Variants in MED13L observed in about 807,000 individuals in gnomAD.
MED13L encodes the protein mediator complex subunit 13L, also known as mediator of RNA polymerase II transcription subunit 13-like.
A neutral mutation model predicts 220.9 loss-of-function variants in MED13L; 7 were observed. The ratio of observed to expected loss-of-function variants is 0.03; its 90% CI spans 0.02 to 0.06. MED13L has a LOEUF of 0.06. Among genes scored for constraint, MED13L ranks in the 10% least tolerant of loss-of-function variants. The pLI, the probability that MED13L is intolerant of heterozygous loss-of-function variation, is 1.00. For synonymous variants in MED13L, 1,011 were observed against 1,015.2 expected (o/e 1.00, Z 0.08); for missense variants, 1,965 against 2,760.5 (o/e 0.71, Z 6.46).
At chr12:116,110,271 T>C (rs899820984) in intron 3 of MED13L, 9 of 152,050 alleles carry the variant, frequency 5.9e-5, no homozygotes, top group Admixed American at 3.3e-4. Flanking sequence ...TGGAAAAATT[T>C]AAGCATCAAA....
At chr12:116,160,601 G>T (rs1285611778) in intron 2 of MED13L, among the ~76,000 whole-genome samples, 1 of 146,542 alleles carries the variant, frequency 6.8e-6, no homozygotes, top group Non-Finnish European at 1.5e-5. Flanking sequence ...AAAAAAAAAA[G>T]TGTCTCACCC....
chr12:116,170,013 C>T (rs1025430581), intron 2 of MED13L, among the ~76,000 whole-genome samples: 1 of 152,048 alleles, frequency 6.6e-6, no homozygotes, highest in South Asian at 2.1e-4. Flanking sequence ...TGAGACCCCG[C>T]CTCATAAATA....
chr12:116,191,003 A>T (rs1436270548), intron 2 of MED13L, among the ~76,000 whole-genome samples: 1 of 151,862 alleles, frequency 6.6e-6, no homozygotes, highest in African/African-American at 2.4e-5. Flanking sequence ...GAGACAGAAG[A>T]AGTGCTTGAA....
At chr12:115,986,546 A>G in intron 18 of MED13L, 57 bp from the exon 19 acceptor site, 1 of 1,518,704 alleles carries the variant, frequency 6.6e-7, no homozygotes, top group Non-Finnish European at 9.1e-7. Context: ...CAACCTTACA[A>G]TTTTGAAATT....
intron 2 of MED13L, among the ~76,000 whole-genome samples, chr12:116,235,368 C>T (rs144092271): frequency 1.6e-3 from 250 of 152,148 alleles, no homozygotes; most frequent in Middle Eastern, 0.01. Context: ...TATCAAACTC[C>T]AAAGAAAAGT....
At chr12:116,171,785 A>G (rs1879698560) in intron 2 of MED13L, among the ~76,000 whole-genome samples, 1 of 152,200 alleles carries the variant, frequency 6.6e-6, no homozygotes, top group East Asian at 1.9e-4. Context: ...TTCCACTCAC[A>G]GTACTGAGAA....
At position 115,996,675 on chromosome 12, in the gene MED13L, A is replaced by G; in HGVS notation, c.2797T>C (p.Ser933Pro). Residue 933 changes from serine (S) to proline (P), a missense_variant, in exon 16 of 31, where the codon TCA becomes CCA. Around this residue, in one of 10 missense-constraint regions of MED13L, gnomAD observed 233 missense variants for 306.2 expected, o/e 0.76. Transcript: ENST00000281928. The stretch of plus-strand genomic sequence containing the variant: ...AAGGATGGAACTTTGTGCACATATG[A>G]AAAGTCCTGTGACAACAAAGTGGGG... ...SPKPEEIKDF[S>P]YVHKVPSFQP... The G allele has an allele frequency of 6.2e-7, 1 of 1,613,572 alleles. No homozygotes were observed. Among genetic ancestry groups the G allele is most frequent in the Non-Finnish European group, 8.5e-7 (1 of 1,179,508 alleles).
At chr12:115,979,919 T>G (rs61936941) in intron 23 of MED13L, among the ~76,000 whole-genome samples, 10,792 of 152,282 alleles carry the variant, frequency 0.071, 503 homozygotes, top group Middle Eastern at 0.11. Flanking sequence ...CCCTTTGAGA[T>G]CCACACATAT....
intron 1 of MED13L, among the ~76,000 whole-genome samples, chr12:116,242,325 G>A (rs542225667): frequency 9.2e-5 from 14 of 152,214 alleles, no homozygotes; most frequent in Non-Finnish European, 2.1e-4. Context: ...GATTACAGGC[G>A]TGAGCCATTG....
intron 3 of MED13L, among the ~76,000 whole-genome samples, chr12:116,104,644 G>C (rs974414476): frequency 6.6e-6 from 1 of 152,142 alleles, no homozygotes; most frequent in African/African-American, 2.4e-5. Flanking sequence ...ACAGATTAAA[G>C]TCTCCCTAAG....
rs749177676 is a variant in MED13L at position 115,975,399 on chromosome 12, C to T, written c.5589-86G>A. On this transcript the variant is annotated intron_variant, in intron 24 of 30. Coordinates refer to ENST00000281928, the MANE Select transcript of MED13L (RefSeq NM_015335.5). ...ACTTATAAGACAAACACTAGAAATT[C>T]CAAAGAACCTATCCATGCTGTACCC... is the stretch of plus-strand genomic sequence containing the variant. 5 of 1,604,336 alleles carry T rather than the reference C, an allele frequency of 3.1e-6. No homozygotes were observed. In the Admixed American group the frequency reaches 5.0e-5, roughly 16 times the overall value.
chr12:116,098,347 T>C (rs376428884), intron 3 of MED13L, among the ~76,000 whole-genome samples: 14 of 152,214 alleles, frequency 9.2e-5, no homozygotes, highest in African/African-American at 3.1e-4. Flanking sequence ...TACAGTTATC[T>C]CTAACAGTAT....
chr12:116,011,316 T>C (rs1012568183), intron 9 of MED13L, among the ~76,000 whole-genome samples: 1 of 152,164 alleles, frequency 6.6e-6, no homozygotes, highest in African/African-American at 2.4e-5. Context: ...TGAAGATATA[T>C]GCATTTGGCA....
At chr12:116,207,699 T>C (rs569780079) in intron 2 of MED13L, among the ~76,000 whole-genome samples, 135 of 151,892 alleles carry the variant, frequency 8.9e-4, no homozygotes, top group African/African-American at 3.1e-3. Flanking sequence ...GATATAAGAA[T>C]GATATTAAGT....
intron 3 of MED13L, among the ~76,000 whole-genome samples, chr12:116,100,494 G>A (rs1449447965): frequency 9.2e-5 from 14 of 151,416 alleles, no homozygotes; most frequent in Admixed American, 9.2e-4. Context: ...CACCTACTCG[G>A]GAGGCTGGAG....
intron 2 of MED13L, among the ~76,000 whole-genome samples, chr12:116,142,875 A>G (rs1275581162): frequency 1.3e-5 from 2 of 152,214 alleles, no homozygotes; most frequent in African/African-American, 4.8e-5. Flanking sequence ...AAAATTTAAA[A>G]CTATTCTTAC....
intron 4 of MED13L, among the ~76,000 whole-genome samples, chr12:116,060,802 GCA>G (rs982278769): frequency 1.3e-5 from 2 of 151,610 alleles, no homozygotes; most frequent in African/African-American, 4.8e-5. Flanking sequence ...ATTATCTTAA[GCA>G]CACACACACA....
intron 2 of MED13L, among the ~76,000 whole-genome samples, chr12:116,157,580 A>C (rs1489544790): frequency 1.3e-5 from 2 of 152,234 alleles, no homozygotes; most frequent in Non-Finnish European, 2.9e-5. Context: ...ACATAACTGA[A>C]CTACCTGAGT....
At chr12:116,100,987 A>C (rs1003876276) in intron 3 of MED13L, among the ~76,000 whole-genome samples, 2 of 152,252 alleles carry the variant, frequency 1.3e-5, no homozygotes, top group Non-Finnish European at 1.5e-5. Flanking sequence ...TGTGTGGAAG[A>C]GCAAAACATC....
Sources: allele counts gnomAD v4.1 joint callset (sites outside exome capture counted in the v4.1 genomes callset), GRCh38; gene constraint gnomAD v4.1.1; regional missense constraint gnomAD v4.1.1; transcripts MANE v1.5; gene names NCBI Gene and HGNC (gene_info 2026-07-23, HGNC 2026-07-21).